The following RYR3 variants were observed in gnomAD, a reference collection of about 807,000 sequenced individuals.
The protein encoded by RYR3 is brain ryanodine receptor-calcium release channel.
A neutral mutation model predicts 584.3 loss-of-function variants in RYR3; 207 were observed. That is an observed-to-expected ratio of 0.35 (90% CI 0.32 to 0.40). The LOEUF (loss-of-function observed/expected upper bound fraction) is 0.40. Among genes scored for constraint, RYR3 ranks in the 10% least tolerant of loss-of-function variants. RYR3 has a pLI of 1.00. For synonymous variants in RYR3, 2,416 were observed against 2,248.5 expected (o/e 1.07, Z -2.11); for missense variants, 5,616 against 6,089.2 (o/e 0.92, Z 2.59).
At chr15:33,453,294 T>C (rs2047283289) in intron 1 of RYR3, among the ~76,000 whole-genome samples, 1 of 152,212 alleles carries the variant, frequency 6.6e-6, no homozygotes. Context: ...TCTATGTCGA[T>C]TTACCTCTGA....
At chr15:33,824,324 T>C (rs1596822770) in intron 81 of RYR3, among the ~76,000 whole-genome samples, 1 of 152,240 alleles carries the variant, frequency 6.6e-6, no homozygotes, top group Non-Finnish European at 1.5e-5. Flanking sequence ...CTGGGTTTTT[T>C]ATGATTATAA....
At chr15:33,376,254 A>T (rs1051833901) in intron 1 of RYR3, among the ~76,000 whole-genome samples, 2 of 152,012 alleles carry the variant, frequency 1.3e-5, no homozygotes, top group Non-Finnish European at 2.9e-5. Flanking sequence ...CTTTCCCTCA[A>T]CCTAATGATT....
At chr15:33,832,518 T>C (rs2077746374) in intron 86 of RYR3, among the ~76,000 whole-genome samples, 1 of 150,310 alleles carries the variant, frequency 6.7e-6, no homozygotes, top group Non-Finnish European at 1.5e-5. Flanking sequence ...TAGCTGGGCG[T>C]GTTGGTGGGT....
intron 38 of RYR3, among the ~76,000 whole-genome samples, chr15:33,676,245 A>AAG (rs2064171368): frequency 1.3e-5 from 2 of 151,216 alleles, no homozygotes; most frequent in African/African-American, 4.9e-5. Context: ...AGAAGGTAAA[A>AAG]AAAAAAAAAA....
chr15:33,797,013 C>T (rs2075666689), intron 67 of RYR3, among the ~76,000 whole-genome samples: 1 of 152,176 alleles, frequency 6.6e-6, no homozygotes. Flanking sequence ...GAAACAGAAA[C>T]TCGAATACCA....
At chr15:33,628,935 G>A (rs2061135829) in intron 21 of RYR3, among the ~76,000 whole-genome samples, 1 of 152,182 alleles carries the variant, frequency 6.6e-6, no homozygotes. Flanking sequence ...ACTCAGAGGA[G>A]GATAGGGAAT....
At chr15:33,459,094 G>A (rs1231346756) in intron 1 of RYR3, among the ~76,000 whole-genome samples, 1 of 152,170 alleles carries the variant, frequency 6.6e-6, no homozygotes, top group Non-Finnish European at 1.5e-5. Context: ...ACCCGGCCCA[G>A]CATCCACCCT....
intron 81 of RYR3, 59 bp from the exon 82 acceptor site, chr15:33,825,544 G>A: frequency 9.0e-7 from 1 of 1,114,108 alleles, no homozygotes; most frequent in East Asian, 2.4e-5. Context: ...ATTAACATTA[G>A]AAATCTGCTT....
At chr15:33,619,220 C>T (rs142910575) in intron 19 of RYR3, among the ~76,000 whole-genome samples, 121 of 152,066 alleles carry the variant, frequency 8.0e-4, no homozygotes, top group East Asian at 4.8e-3. Flanking sequence ...TGTGGTGGAA[C>T]GGATTAAATA....
At chr15:33,559,715 A>G (rs955704652) in intron 10 of RYR3, among the ~76,000 whole-genome samples, 3 of 152,216 alleles carry the variant, frequency 2.0e-5, no homozygotes, top group Non-Finnish European at 2.9e-5. Context: ...ATTAGATTGC[A>G]TATCAAAGGC....
intron 1 of RYR3, among the ~76,000 whole-genome samples, chr15:33,400,187 A>C (rs1479044693): frequency 6.6e-6 from 1 of 152,186 alleles, no homozygotes; most frequent in Non-Finnish European, 1.5e-5. Context: ...AGAGTCAAGC[A>C]CGTTAATTCA....
intron 1 of RYR3, among the ~76,000 whole-genome samples, chr15:33,435,775 T>C (rs1352730674): frequency 6.6e-6 from 1 of 152,124 alleles, no homozygotes; most frequent in Non-Finnish European, 1.5e-5. Flanking sequence ...GTGTTACAGC[T>C]CTTAAAGGTG....
intron 23 of RYR3, among the ~76,000 whole-genome samples, chr15:33,632,193 TC>T (rs1268118755): frequency 6.6e-6 from 1 of 152,276 alleles, no homozygotes; most frequent in Non-Finnish European, 1.5e-5. Context: ...GGTCTGTGGT[TC>T]ATCACTGTTG....
chr15:33,739,133 A>G (rs1257297459), intron 50 of RYR3, among the ~76,000 whole-genome samples: 2 of 152,074 alleles, frequency 1.3e-5, no homozygotes, highest in East Asian at 3.9e-4. Context: ...TAGAGCTCTG[A>G]CTCTTAGACT....
intron 1 of RYR3, among the ~76,000 whole-genome samples, chr15:33,438,738 G>A (rs1307419219): frequency 6.6e-6 from 1 of 152,082 alleles, no homozygotes; most frequent in Non-Finnish European, 1.5e-5. Flanking sequence ...CATTTATTCA[G>A]GTCTTCGTCA....
Position 33,418,868 on chromosome 15 carries a change from A to G in RYR3, c.52-54551A>G, listed in dbSNP as rs146492092. On this transcript the variant is annotated intron_variant, in intron 1 of 103. Coordinates refer to ENST00000634891, the MANE Select transcript of RYR3 (RefSeq NM_001036.6). Reference sequence around the variant, plus strand: ...ATCAAGGCAATAAGCTAGCATGAGGACAGGAGAAACCAGAACGCAATGAGT... The same window carrying G: ...ATCAAGGCAATAAGCTAGCATGAGGGCAGGAGAAACCAGAACGCAATGAGT... Among the ~76,000 whole-genome samples, 400 of 152,222 alleles carry G rather than the reference A, an allele frequency of 2.6e-3. 2 individuals carry two copies. The highest frequency in any genetic ancestry group is 9.2e-3 in the African/African-American group (382 of 41,548).
intron 16 of RYR3, among the ~76,000 whole-genome samples, chr15:33,600,048 T>C (rs1372203365): frequency 6.6e-6 from 1 of 152,222 alleles, no homozygotes; most frequent in Non-Finnish European, 1.5e-5. Flanking sequence ...CATCTATGGC[T>C]CTTTTCTTAG....
At chr15:33,796,991 T>C (rs1208197134) in intron 67 of RYR3, among the ~76,000 whole-genome samples, 1 of 152,202 alleles carries the variant, frequency 6.6e-6, no homozygotes, top group African/African-American at 2.4e-5. Context: ...TTATCTTAAA[T>C]GAGACAACTC....
intron 85 of RYR3, among the ~76,000 whole-genome samples, chr15:33,829,437 A>G (rs1214733700): frequency 6.6e-6 from 1 of 152,162 alleles, no homozygotes; most frequent in East Asian, 1.9e-4. Flanking sequence ...AAAGGATTCA[A>G]CATTGTAGAT....
Sources: allele counts gnomAD v4.1 joint callset (sites outside exome capture counted in the v4.1 genomes callset), GRCh38; gene constraint gnomAD v4.1.1; transcripts MANE v1.5; gene names NCBI Gene and HGNC (gene_info 2026-07-23, HGNC 2026-07-21).